IMPA1: variants seen among roughly 807,000 people sequenced by gnomAD.
IMPA1 encodes D-galactose 1-phosphate phosphatase.
Under a neutral mutation model 34.9 loss-of-function variants are expected in IMPA1, and 21 were observed. That is an observed-to-expected ratio of 0.60 (90% confidence interval 0.43 to 0.87). The LOEUF is 0.87. Among genes scored for constraint, IMPA1 ranks in the 40% least tolerant of loss-of-function variants. IMPA1 has a pLI of 0.00. For synonymous variants in IMPA1, 95 were observed against 104.4 expected (o/e 0.91, Z 0.55); for missense variants, 299 against 336.4 (o/e 0.89, Z 0.87).
intron 7 of IMPA1, among the ~76,000 whole-genome samples, chr8:81,664,263 T>A (rs982344347): frequency 5.3e-5 from 8 of 151,774 alleles, no homozygotes; most frequent in African/African-American, 1.9e-4. Flanking sequence ...TCCTGGAAAA[T>A]AATAAAATGA....
At chr8:81,685,609 T>C (rs972888908) in intron 1 of IMPA1, among the ~76,000 whole-genome samples, 1 of 139,700 alleles carries the variant, frequency 7.2e-6, no homozygotes, top group Non-Finnish European at 1.6e-5. Context: ...TATAAGTATA[T>C]ATACTATACA....
intron 1 of IMPA1, 24 bp downstream of exon 1, chr8:81,686,228 C>T: frequency 2.0e-6 from 2 of 1,009,070 alleles, no homozygotes; most frequent in Non-Finnish European, 2.4e-6. Flanking sequence ...CCGGAGGGTG[C>T]GGTGAGGAAA....
At chr8:81,680,173 T>C (rs1807255388) in intron 3 of IMPA1, among the ~76,000 whole-genome samples, 1 of 151,536 alleles carries the variant, frequency 6.6e-6, no homozygotes, top group South Asian at 2.1e-4. Flanking sequence ...ATACTCTCCG[T>C]CCTTCAAGAG....
intron 6 of IMPA1, among the ~76,000 whole-genome samples, chr8:81,671,905 A>G (rs1284241016): frequency 6.6e-6 from 1 of 152,214 alleles, no homozygotes; most frequent in Non-Finnish European, 1.5e-5. Context: ...TCGGGAGGAA[A>G]AAAAATAAAA....
chr8:81,684,842 G>A (rs1052461853), intron 1 of IMPA1, among the ~76,000 whole-genome samples: 2 of 136,480 alleles, frequency 1.5e-5, no homozygotes, highest in Non-Finnish European at 1.5e-5. Context: ...GTATCTATGT[G>A]TAGTATATAT....
chr8:81,662,310 T>C (rs901709007), intron 7 of IMPA1, among the ~76,000 whole-genome samples: 3 of 152,220 alleles, frequency 2.0e-5, no homozygotes, highest in Non-Finnish European at 4.4e-5. Flanking sequence ...AGGTCTTTCA[T>C]AATTAATTCC....
chr8:81,668,550 A>G (rs1806900112), intron 7 of IMPA1, among the ~76,000 whole-genome samples: 5 of 152,146 alleles, frequency 3.3e-5, no homozygotes, highest in South Asian at 2.1e-4. Context: ...CTATAATTGC[A>G]CCACTGCAAT....
chr8:81,681,675 C>T, intron 1 of IMPA1, 91 bp from the exon 2 acceptor site: 2 of 730,966 alleles, frequency 2.7e-6, no homozygotes, highest in Non-Finnish European at 4.8e-6. Context: ...ACTGTCATTT[C>T]AGGATTCACC....
Position 81,659,468 on chromosome 8 carries a change from T to C in IMPA1, c.719-2A>G. The C allele has an allele frequency of 6.6e-7, 1 of 1,523,204 alleles. No homozygotes were observed. Among genetic ancestry groups the C allele is most frequent in the Non-Finnish European group, 9.1e-7 (1 of 1,100,874 alleles). The allele number at this position is 1,523,204 out of a possible 1,614,324, so 94.4% of individuals were successfully genotyped here. ...GTGACATCAAATCAAATGGTCCACCTAAAAGCAAACAAGTATGAAAAATAA... is the reference window on the plus strand; with the variant it reads ...GTGACATCAAATCAAATGGTCCACCCAAAAGCAAACAAGTATGAAAAATAA... On this transcript the variant is annotated splice_acceptor_variant, in intron 8 of 8. Transcript: ENST00000256108. LOFTEE classifies it high-confidence loss of function.
At chr8:81,685,383 TAA>T (rs992209413) in intron 1 of IMPA1, among the ~76,000 whole-genome samples, 2 of 139,152 alleles carry the variant, frequency 1.4e-5, no homozygotes, top group Non-Finnish European at 3.0e-5. Context: ...GTACTATATA[TAA>T]GTATATATAC....
At chr8:81,684,563 G>A (rs1363293277) in intron 1 of IMPA1, among the ~76,000 whole-genome samples, 23 of 136,026 alleles carry the variant, frequency 1.7e-4, no homozygotes, top group African/African-American at 4.7e-4. Flanking sequence ...AGATACTAAT[G>A]TGTAGTATAT....
rs1806600904 is a variant in IMPA1 at position 81,659,427 on chromosome 8, G to A, written c.758C>T (p.Ala253Val). The change falls in exon 9 of 9, where the codon GCA becomes GTA. Residue 253 changes from alanine to valine, a missense_variant. Physicochemically the swap from Ala to Val is moderately conservative, Grantham distance 64 (BLOSUM62 0). Coordinates refer to ENST00000256108, the MANE Select transcript of IMPA1 (RefSeq NM_005536.4). Reference sequence around the variant, plus strand: ...CCTTTCTGCTAATATTCTATTATTTGCAGCAATTACTCTTCGTGACATCAA... The same window carrying A: ...CCTTTCTGCTAATATTCTATTATTTACAGCAATTACTCTTCGTGACATCAA... The part of the protein sequence containing the change: ...FDLMSRRVIA[A>V]NNRILAERIA... 1 of 1,611,188 alleles carries A rather than the reference G, an allele frequency of 6.2e-7. No individual in the cohort carries two copies. Among genetic ancestry groups the A allele is most frequent in the Non-Finnish European group, 8.5e-7 (1 of 1,177,890 alleles).
At chr8:81,678,905 C>A (rs1807211375) in intron 4 of IMPA1, among the ~76,000 whole-genome samples, 1 of 152,162 alleles carries the variant, frequency 6.6e-6, no homozygotes, top group Admixed American at 6.5e-5. Flanking sequence ...CTTGGCACCA[C>A]AGGACAAGAT....
chr8:81,661,203 T>C (rs577385964), intron 7 of IMPA1, among the ~76,000 whole-genome samples: 3 of 152,340 alleles, frequency 2.0e-5, no homozygotes, highest in Middle Eastern at 3.4e-3. Flanking sequence ...CTTCCTTGAA[T>C]ACAAGTTAAG....
intron 1 of IMPA1, chr8:81,686,035 C>G (rs866898992): frequency 8.0e-7 from 1 of 1,247,410 alleles, no homozygotes; most frequent in East Asian, 3.0e-5. Flanking sequence ...AGTGAGGTCG[C>G]GTGAGCGAAC....
chr8:81,661,234 T>C lies in IMPA1; in HGVS notation c.567-567A>G, dbSNP rs1373111702. ...TTAAGTTGAATATAAATACACTTGA[T>C]AGCAATTATAGTAATAATTTATTCA... On this transcript the variant is annotated intron_variant, in intron 7 of 8. Transcript: ENST00000256108. 3.9e-5 allele frequency among the ~76,000 whole-genome samples: 6 copies of C among 152,368 alleles called. No individual in the cohort carries two copies. The East Asian group carries it at 9.6e-4, about 24-fold the overall frequency.
chr8:81,685,639 T>C lies in IMPA1; in HGVS notation c.-25+613A>G, dbSNP rs557243524. 11 of 302,644 alleles carry C rather than the reference T, an allele frequency of 3.6e-5. No homozygotes were observed. The East Asian group carries it at 8.8e-4, about 24-fold the overall frequency. 18.7% of individuals were successfully genotyped at this position (302,644 alleles called of 1,614,324 possible). A position where few individuals can be genotyped will look rare whatever the true frequency, so the allele number is the denominator to read the frequency against. ...TATACATAAGTATATTTATGTACTATATATAAAGTATATAAGTACATTTTA... is the reference window on the plus strand; with the variant it reads ...TATACATAAGTATATTTATGTACTACATATAAAGTATATAAGTACATTTTA... On this transcript the variant is annotated intron_variant, in intron 1 of 8. Coordinates refer to ENST00000256108, the MANE Select transcript of IMPA1 (RefSeq NM_005536.4).
intron 4 of IMPA1, among the ~76,000 whole-genome samples, chr8:81,677,915 C>A (rs1807175731): frequency 1.3e-5 from 2 of 152,130 alleles, no homozygotes; most frequent in South Asian, 4.1e-4. Flanking sequence ...CTGATTTTAA[C>A]TCTCATGGGC....
chr8:81,665,334 G>A (rs1242707570), intron 7 of IMPA1, among the ~76,000 whole-genome samples: 1 of 151,876 alleles, frequency 6.6e-6, no homozygotes, highest in Non-Finnish European at 1.5e-5. Context: ...ACTGAACTCA[G>A]GAAAGAAATG....
Sources: allele counts gnomAD v4.1 joint callset (sites outside exome capture counted in the v4.1 genomes callset), GRCh38; gene constraint gnomAD v4.1.1; transcripts MANE v1.5; gene names NCBI Gene and HGNC (gene_info 2026-07-23, HGNC 2026-07-21).